JAZF1: variants seen among roughly 807,000 people sequenced by gnomAD.
JAZF1 encodes JAZF zinc finger 1, also known as juxtaposed with another zinc finger protein 1.
Under a neutral mutation model 26.4 loss-of-function variants are expected in JAZF1, and 8 were observed. The observed-to-expected ratio is 0.30, with a 90% CI of 0.18 to 0.55. The LOEUF is 0.55. Ranked by LOEUF, JAZF1 falls within the 20% of genes least tolerant of loss-of-function variation. JAZF1 has a pLI of 0.94. For synonymous variants in JAZF1, 126 were observed against 122.3 expected (o/e 1.03, Z -0.20); for missense variants, 199 against 322.0 (o/e 0.62, Z 2.92).
At chr7:27,833,926 G>T (rs553839749) in intron 4 of JAZF1, among the ~76,000 whole-genome samples, 3 of 152,320 alleles carry the variant, frequency 2.0e-5, no homozygotes, top group Admixed American at 6.5e-5. Context: ...CGGCGGACGT[G>T]TGGTATTTGA....
At chr7:28,060,170 G>A (rs1418973637) in intron 1 of JAZF1, among the ~76,000 whole-genome samples, 1 of 152,038 alleles carries the variant, frequency 6.6e-6, no homozygotes, top group Non-Finnish European at 1.5e-5. Context: ...TAGTTAATAA[G>A]TTGTATCTGC....
intron 2 of JAZF1, among the ~76,000 whole-genome samples, chr7:27,909,698 C>T (rs1784328321): frequency 6.6e-6 from 1 of 152,094 alleles, no homozygotes; most frequent in Non-Finnish European, 1.5e-5. Context: ...AAGAGTGAAA[C>T]TCCATCTCAA....
rs142764441 is a variant in JAZF1, at chr7:28,000,235, G to A, written c.116-8254C>T. 8.6e-4 allele frequency among the ~76,000 whole-genome samples: 131 copies of A among 151,800 alleles called. 1 individual carries two copies. The highest frequency in any genetic ancestry group is 2.9e-3 in the African/African-American group (120 of 41,406). On this transcript the variant is annotated intron_variant, in intron 1 of 4. Coordinates refer to ENST00000283928, the MANE Select transcript of JAZF1 (RefSeq NM_175061.4). ...GCAGGCAATTTTGCAGCACCCCCCC[G>A]ACCCCCCATCCACACCCTGGGATAT... is the stretch of plus-strand genomic sequence containing the variant.
At chr7:28,116,338 T>A (rs1189188626) in intron 1 of JAZF1, among the ~76,000 whole-genome samples, 2 of 152,232 alleles carry the variant, frequency 1.3e-5, no homozygotes, top group Non-Finnish European at 2.9e-5. Context: ...TTTTTGCCAA[T>A]CTGATAAAGT....
intron 2 of JAZF1, among the ~76,000 whole-genome samples, chr7:27,942,616 A>G (rs1298670102): frequency 6.6e-6 from 1 of 152,170 alleles, no homozygotes; most frequent in Non-Finnish European, 1.5e-5. Context: ...AACATCCACA[A>G]CTTGTAAGTT....
In JAZF1 at chr7:27,991,923, C is replaced by T. The variant is rs1263880028; in HGVS notation, c.174G>A (p.Leu58=). 6.3e-7 allele frequency: 1 copy of T among 1,595,540 alleles called. No homozygotes were observed. The highest frequency in any genetic ancestry group is 1.1e-5 in the South Asian group (1 of 89,674). ...AAATGGCTTACCTATTTATGTAACT[C>T]AGGGCAACATAGGTTGGCTGCTGTA... is the stretch of plus-strand genomic sequence containing the variant. ...QELQQPTYVA[L]SYINRFMTDA... is the part of the protein sequence containing the mutation. Residue 58 remains leucine (L), a synonymous_variant, in exon 2 of 5, where the codon CTG becomes CTA. Transcript: ENST00000283928.
chr7:28,153,489 C>A (rs12111862), intron 1 of JAZF1, among the ~76,000 whole-genome samples: 10,311 of 151,942 alleles, frequency 0.068, 1,087 homozygotes, highest in African/African-American at 0.23. Flanking sequence ...AAAACAAAAC[C>A]AAACAAAAAA....
intron 1 of JAZF1, among the ~76,000 whole-genome samples, chr7:28,010,102 A>G (rs1782773765): frequency 6.6e-6 from 1 of 151,656 alleles, no homozygotes; most frequent in Non-Finnish European, 1.5e-5. Flanking sequence ...CCTCATCTAC[A>G]CTCTATACCT....
chr7:28,158,186 C>CAG (rs1554292394), intron 1 of JAZF1, among the ~76,000 whole-genome samples: 15,792 of 143,254 alleles, frequency 0.11, 971 homozygotes, highest in Middle Eastern at 0.19. Context: ...CACACACACA[C>CAG]AGAGAGAGAG....
intron 1 of JAZF1, among the ~76,000 whole-genome samples, chr7:28,126,530 C>T (rs1005017771): frequency 6.6e-6 from 1 of 151,910 alleles, no homozygotes; most frequent in Admixed American, 6.6e-5. Flanking sequence ...TGGGGGGAAG[C>T]GAGTCTCACT....
intron 2 of JAZF1, among the ~76,000 whole-genome samples, chr7:27,950,544 T>C (rs1784992292): frequency 6.6e-6 from 1 of 152,196 alleles, no homozygotes; most frequent in African/African-American, 2.4e-5. Context: ...GCGTACACTT[T>C]ACCAAAAACC....
chr7:28,107,783 A>C (rs1784577692), intron 1 of JAZF1, among the ~76,000 whole-genome samples: 1 of 152,238 alleles, frequency 6.6e-6, no homozygotes, highest in Non-Finnish European at 1.5e-5. Flanking sequence ...TATCTAATGT[A>C]GTTTACTGCC....
At chr7:27,868,684 T>C (rs182238323) in intron 3 of JAZF1, among the ~76,000 whole-genome samples, 1 of 152,172 alleles carries the variant, frequency 6.6e-6, no homozygotes, top group East Asian at 1.9e-4. Flanking sequence ...CAGTGAGAGG[T>C]TGCCTCCTGG....
rs934093730 is a variant in JAZF1, at chr7:27,840,314, T to C, written c.555+384A>G. ...CTTCAAAGTGGTCTCCCGTGAGCCA[T>C]CTGTAGGGCCATCCGTTGGGGAAGG... On this transcript the variant is annotated intron_variant, in intron 4 of 4. Transcript: ENST00000283928. The surrounding 1 kb of genome is among the most constrained non-coding windows in gnomAD (Gnocchi z 5.1). 2.0e-5 allele frequency among the ~76,000 whole-genome samples: 3 copies of C among 152,314 alleles called. No homozygotes were observed. The East Asian group carries it at 5.8e-4, about 29-fold the overall frequency.
At chr7:28,157,838 T>C (rs1217523982) in intron 1 of JAZF1, among the ~76,000 whole-genome samples, 3 of 152,158 alleles carry the variant, frequency 2.0e-5, no homozygotes, top group African/African-American at 7.2e-5. Flanking sequence ...TTGAGTTTAG[T>C]ACTGTTCAAA....
At position 27,831,702 on chromosome 7, in the gene JAZF1, TA is replaced by T. The variant is rs1562755188; in HGVS notation, c.*1097del. On this transcript the variant is annotated 3_prime_UTR_variant, in exon 5 of 5. Coordinates refer to ENST00000283928, the MANE Select transcript of JAZF1 (RefSeq NM_175061.4). ...ACAATGTGATGAGAAAAGTACCTTT[TA>T]AAAAAAGTAAAAAATGAGCATGAAG... 1 of 224,778 alleles carries T rather than the reference TA, an allele frequency of 4.4e-6. No individual in the cohort carries two copies. The highest frequency in any genetic ancestry group is 8.9e-6 in the Non-Finnish European group (1 of 112,544). The allele number at this position is 224,778 out of a possible 1,614,324, so 13.9% of individuals were successfully genotyped here. A position where few individuals can be genotyped will look rare whatever the true frequency, so the allele number is the denominator to read the frequency against.
intron 3 of JAZF1, among the ~76,000 whole-genome samples, chr7:27,845,979 C>A (rs1030045192): frequency 6.6e-6 from 1 of 152,008 alleles, no homozygotes; most frequent in Non-Finnish European, 1.5e-5. Context: ...ACAGAAAAAA[C>A]CCGTTATGTG....
chr7:27,920,703 T>G (rs1226614480), intron 2 of JAZF1, among the ~76,000 whole-genome samples: 1 of 152,210 alleles, frequency 6.6e-6, no homozygotes, highest in Non-Finnish European at 1.5e-5. Context: ...CAGCACAAAT[T>G]TTTTAGTTGA....
chr7:27,970,189 C>T (rs921223780), intron 2 of JAZF1, among the ~76,000 whole-genome samples: 2 of 152,148 alleles, frequency 1.3e-5, no homozygotes, highest in Admixed American at 1.3e-4. Flanking sequence ...ACTTACCACA[C>T]AGGGCAGTGT....
Sources: allele counts gnomAD v4.1 joint callset (sites outside exome capture counted in the v4.1 genomes callset), GRCh38; gene constraint gnomAD v4.1.1; non-coding constraint Gnocchi (gnomAD v3.1); transcripts MANE v1.5; gene names NCBI Gene and HGNC (gene_info 2026-07-23, HGNC 2026-07-21).